RAD23B: variants seen among roughly 807,000 people sequenced by gnomAD.
RAD23B encodes the protein lysine-specific demethylase RAD23B.
In RAD23B, 5 loss-of-function variants were observed where a neutral mutation model predicts 49.1. The ratio of observed to expected loss-of-function variants is 0.10; its 90% CI spans 0.05 to 0.21. RAD23B has a LOEUF of 0.21. RAD23B is among the 10% of genes least tolerant of loss of function. The pLI is 1.00. For synonymous variants in RAD23B, 184 were observed against 165.4 expected, an observed-to-expected ratio of 1.11 and a Z score of -0.86; for missense variants, 356 against 486.7, an observed-to-expected ratio of 0.73 and a Z score of 2.53.
At chr9:107,288,397 T>C (rs1237622644) in intron 1 of RAD23B, among the ~76,000 whole-genome samples, 1 of 152,216 alleles carries the variant, frequency 6.6e-6, no homozygotes, top group African/African-American at 2.4e-5. Flanking sequence ...AAAGTTGAAA[T>C]AGGATAAAGT....
chr9:107,298,933 A>G (rs531207052), intron 1 of RAD23B, among the ~76,000 whole-genome samples: 1 of 152,178 alleles, frequency 6.6e-6, no homozygotes, highest in Non-Finnish European at 1.5e-5. Flanking sequence ...TACTTTGGGG[A>G]ACATCAGAAT....
chr9:107,324,152 G>A, intron 8 of RAD23B, 135 bp downstream of exon 8: 1 of 1,053,138 alleles, frequency 9.5e-7, no homozygotes, highest in South Asian at 1.6e-5. Context: ...GCTACACTTA[G>A]ATATTGTAAT....
At chr9:107,294,351 G>A (rs1833445892) in intron 1 of RAD23B, among the ~76,000 whole-genome samples, 1 of 152,208 alleles carries the variant, frequency 6.6e-6, no homozygotes, top group Non-Finnish European at 1.5e-5. Flanking sequence ...CATTATTTAT[G>A]TAGTGGGAAA....
In RAD23B at chr9:107,300,067, ATTAT is replaced by A. The variant is rs1326306547; in HGVS notation, c.67-68_67-65del. On this transcript the variant is annotated intron_variant, in intron 1 of 9. Coordinates refer to ENST00000358015, the MANE Select transcript of RAD23B (RefSeq NM_002874.5). ...ATTATGTATATAATTTTTGTCTTCC[ATTAT>A]TTATTCAGATTCTGGATTGTCATTT... is the stretch of plus-strand genomic sequence containing the variant. 83 of 1,529,334 alleles carry A rather than the reference ATTAT, an allele frequency of 5.4e-5. 1 individual carries two copies. The highest frequency in any genetic ancestry group is 2.7e-4 in the Admixed American group (12 of 44,274). The allele number at this position is 1,529,334 out of a possible 1,614,324, so 94.7% of individuals were successfully genotyped here.
intron 5 of RAD23B, among the ~76,000 whole-genome samples, chr9:107,317,114 GTGTGTGTTTAC>G (rs1307173015): frequency 6.6e-6 from 1 of 152,060 alleles, no homozygotes; most frequent in East Asian, 1.9e-4. Flanking sequence ...GTGTGTGTGT[GTGTGTGTTTAC>G]TTGACTTTTG....
chr9:107,327,991 G>T (rs1196930798), intron 9 of RAD23B, among the ~76,000 whole-genome samples: 1 of 151,860 alleles, frequency 6.6e-6, no homozygotes, highest in Non-Finnish European at 1.5e-5. Context: ...CTCTGATATA[G>T]CCATTCTAGC....
intron 1 of RAD23B, among the ~76,000 whole-genome samples, chr9:107,294,634 A>T (rs758455347): frequency 2.0e-5 from 3 of 152,236 alleles, no homozygotes; most frequent in Non-Finnish European, 4.4e-5. Context: ...TGGATTAGGG[A>T]TGATTTAAAC....
chr9:107,328,446 T>C (rs1827249760), intron 9 of RAD23B, among the ~76,000 whole-genome samples: 1 of 152,138 alleles, frequency 6.6e-6, no homozygotes, highest in East Asian at 1.9e-4. Flanking sequence ...TGAAACTGTT[T>C]CATCTCACAT....
chr9:107,296,791 T>A (rs958440336), intron 1 of RAD23B, among the ~76,000 whole-genome samples: 2 of 152,118 alleles, frequency 1.3e-5, no homozygotes, highest in African/African-American at 4.8e-5. Context: ...CACTTCGGCC[T>A]TCCAGGGTGT....
rs1051339049 is a variant in RAD23B at position 107,322,204 on chromosome 9, G to A, written c.817+86G>A. 2.2e-5 allele frequency: 31 copies of A among 1,416,040 alleles called. No homozygotes were observed. In the African/African-American group the frequency reaches 2.5e-4, roughly 11 times the overall value. 87.7% of individuals were successfully genotyped at this position (1,416,040 alleles called of 1,614,324 possible). On this transcript the variant is annotated intron_variant, in intron 7 of 9. Transcript: ENST00000358015. Reference sequence around the variant, plus strand: ...TAACCTGAAATACTTCAGAAATGACGTTCATTCCCAGAGCAGTCGAATAAT... The same window carrying A: ...TAACCTGAAATACTTCAGAAATGACATTCATTCCCAGAGCAGTCGAATAAT...
intron 3 of RAD23B, among the ~76,000 whole-genome samples, chr9:107,303,302 T>A (rs940299214): frequency 1.3e-5 from 2 of 152,184 alleles, no homozygotes; most frequent in East Asian, 3.9e-4. Context: ...AAATAGTTAA[T>A]AGTAATAGAA....
intron 1 of RAD23B, among the ~76,000 whole-genome samples, chr9:107,295,245 G>A (rs1266976210): frequency 6.6e-6 from 1 of 151,148 alleles, no homozygotes; most frequent in Non-Finnish European, 1.5e-5. Context: ...TAGATTGTGG[G>A]GGGAGAGAGT....
chr9:107,314,081 C>T (rs1414559678), intron 5 of RAD23B, among the ~76,000 whole-genome samples: 1 of 152,160 alleles, frequency 6.6e-6, no homozygotes, highest in African/African-American at 2.4e-5. Context: ...CTTGCATTAT[C>T]CTTATCCACC....
At chr9:107,329,215 T>G (rs1294114403) in intron 9 of RAD23B, among the ~76,000 whole-genome samples, 1 of 152,250 alleles carries the variant, frequency 6.6e-6, no homozygotes, top group Non-Finnish European at 1.5e-5. Context: ...AGTCATTTAT[T>G]TTTAAACCAT....
At chr9:107,284,779 T>C in intron 1 of RAD23B, 1 of 1,145,342 alleles carries the variant, frequency 8.7e-7, no homozygotes, top group Non-Finnish European at 1.1e-6. Flanking sequence ...GATCAGGGGC[T>C]TTGGTGTTAA....
intron 5 of RAD23B, among the ~76,000 whole-genome samples, chr9:107,315,757 G>A (rs922399447): frequency 6.6e-6 from 1 of 151,904 alleles, no homozygotes; most frequent in South Asian, 2.1e-4. Context: ...TAGGTGATCC[G>A]CCTGCCTCGG....
intron 1 of RAD23B, among the ~76,000 whole-genome samples, chr9:107,291,914 ATC>A (rs1833390601): frequency 1.3e-5 from 2 of 152,152 alleles, no homozygotes; most frequent in South Asian, 4.1e-4. Context: ...TTTAAATGAA[ATC>A]TCTTTTTCTC....
intron 6 of RAD23B, among the ~76,000 whole-genome samples, chr9:107,319,133 T>TTTTC (rs1554743453): frequency 4.3e-5 from 5 of 116,830 alleles, no homozygotes; most frequent in Non-Finnish European, 7.5e-5. Context: ...TTTTTCTTTT[T>TTTTC]TTTTTTTTTT....
At position 107,283,794 on chromosome 9, in the gene RAD23B, C is replaced by T. The variant is rs1474177095; in HGVS notation, c.66+99C>T. ...CGGCGCGCTCCAGCGGGGGAAGCCC[C>T]GGAGGGCGCGATGAGGGCCCTGGGT... On this transcript the variant is annotated intron_variant, in intron 1 of 9. Coordinates refer to ENST00000358015, the MANE Select transcript of RAD23B (RefSeq NM_002874.5). 16 of 1,145,926 alleles carry T rather than the reference C, an allele frequency of 1.4e-5. No individual in the cohort carries two copies. The East Asian group carries it at 3.6e-4, about 26-fold the overall frequency. 71.0% of individuals were successfully genotyped at this position (1,145,926 alleles called of 1,614,324 possible).
Sources: gnomAD v4.1 joint callset for allele counts (sites outside exome capture counted in the v4.1 genomes callset) on GRCh38, gnomAD v4.1.1 for gene constraint, MANE v1.5 for transcripts, NCBI Gene and HGNC (gene_info 2026-07-23, HGNC 2026-07-21) for gene names.